The following ASCC3 variants were observed in gnomAD, a reference collection of about 807,000 sequenced individuals.
ASCC3 encodes activating signal cointegrator 1 complex subunit 3, also known as ASC-1 complex subunit P200.
Under a neutral mutation model 256.3 loss-of-function variants are expected in ASCC3, and 158 were observed. The ratio of observed to expected loss-of-function variants is 0.62; its 90% CI spans 0.54 to 0.70. ASCC3 has a LOEUF of 0.70. ASCC3 is among the 30% of genes least tolerant of loss of function. The pLI, the probability that ASCC3 is intolerant of heterozygous loss-of-function variation, is 0.00. For synonymous variants in ASCC3, 948 were observed against 883.4 expected, an observed-to-expected ratio of 1.07 and a Z score of -1.30; for missense variants, 2,259 against 2,626.0, an observed-to-expected ratio of 0.86 and a Z score of 3.05.
At chr6:100,555,646 T>C (rs1165765711) in intron 36 of ASCC3, among the ~76,000 whole-genome samples, 2 of 152,190 alleles carry the variant, frequency 1.3e-5, no homozygotes, top group East Asian at 1.9e-4. Context: ...TTGATGAAAC[T>C]TGAAAAAATT....
intron 4 of ASCC3, among the ~76,000 whole-genome samples, chr6:100,833,119 A>G (rs1180785620): frequency 6.6e-6 from 1 of 152,194 alleles, no homozygotes; most frequent in African/African-American, 2.4e-5. Flanking sequence ...ATTTTATTCA[A>G]TGCTAAAAAA....
chr6:100,560,136 G>T (rs1171776972), intron 36 of ASCC3, among the ~76,000 whole-genome samples: 2 of 152,128 alleles, frequency 1.3e-5, no homozygotes, highest in African/African-American at 4.8e-5. Context: ...CTAACTTAGT[G>T]TCTGTTTAGG....
chr6:100,611,377 C>G (rs240112), intron 30 of ASCC3, among the ~76,000 whole-genome samples: 1 of 151,772 alleles, frequency 6.6e-6, no homozygotes, highest in African/African-American at 2.4e-5. Context: ...ATTTGAAAAT[C>G]TAATTTTTTG....
At chr6:100,701,479 G>A (rs1778350301) in intron 13 of ASCC3, among the ~76,000 whole-genome samples, 1 of 152,128 alleles carries the variant, frequency 6.6e-6, no homozygotes, top group Admixed American at 6.5e-5. Flanking sequence ...TCTTCCTTGT[G>A]TAAATTGCCC....
chr6:100,826,992 T>C (rs1008454891), intron 4 of ASCC3, among the ~76,000 whole-genome samples: 10 of 152,220 alleles, frequency 6.6e-5, no homozygotes, highest in African/African-American at 2.4e-4. Context: ...TCAACAGCCA[T>C]ATGTGGCTAC....
At chr6:100,780,733 T>C (rs145745843) in intron 8 of ASCC3, among the ~76,000 whole-genome samples, 76 of 152,372 alleles carry the variant, frequency 5.0e-4, no homozygotes, top group African/African-American at 1.7e-3. Flanking sequence ...AGTAACCATT[T>C]GTTGAATGTG....
At chr6:100,624,300 C>T (rs957247543) in intron 30 of ASCC3, among the ~76,000 whole-genome samples, 1 of 150,230 alleles carries the variant, frequency 6.7e-6, no homozygotes, top group Non-Finnish European at 1.5e-5. Context: ...CACAAATCTA[C>T]AAAATAAATG....
chr6:100,878,442 GGCTTTTCCTT>G (rs1769096575), intron 1 of ASCC3, among the ~76,000 whole-genome samples: 1 of 152,022 alleles, frequency 6.6e-6, no homozygotes, highest in South Asian at 2.1e-4. Flanking sequence ...GGGTAAGGAA[GGCTTTTCCTT>G]TAAATGTCCT....
At chr6:100,706,194 G>A (rs1582730437) in intron 13 of ASCC3, among the ~76,000 whole-genome samples, 1 of 7,314 alleles carries the variant, frequency 1.4e-4, no homozygotes, top group Non-Finnish European at 5.4e-3. Flanking sequence ...TTTAGATAAC[G>A]TGAAAAACTG....
chr6:100,608,088 ATCTATATACACATATATAT>A (rs1773019672), intron 30 of ASCC3, among the ~76,000 whole-genome samples: 1 of 100,422 alleles, frequency 1.0e-5, no homozygotes, highest in African/African-American at 4.2e-5. Flanking sequence ...ATGTATATAT[ATCTATATACACATATATAT>A]GTATATATAT....
At chr6:100,738,672 T>A (rs1780293108) in intron 10 of ASCC3, among the ~76,000 whole-genome samples, 1 of 152,218 alleles carries the variant, frequency 6.6e-6, no homozygotes, top group South Asian at 2.1e-4. Context: ...TTTGTTCTTT[T>A]TGCTTTGGAC....
intron 8 of ASCC3, among the ~76,000 whole-genome samples, chr6:100,780,539 G>A (rs191081599): frequency 4.6e-5 from 7 of 152,248 alleles, no homozygotes; most frequent in Non-Finnish European, 8.8e-5. Flanking sequence ...AGGAGTTTGA[G>A]GCTGCAGTGA....
chr6:100,732,582 A>G (rs1779952450), intron 10 of ASCC3, among the ~76,000 whole-genome samples: 1 of 152,252 alleles, frequency 6.6e-6, no homozygotes, highest in African/African-American at 2.4e-5. Context: ...AAACTTAACC[A>G]CAATTTATGT....
chr6:100,808,792 T>G (rs923590675), intron 4 of ASCC3, among the ~76,000 whole-genome samples: 2 of 151,770 alleles, frequency 1.3e-5, no homozygotes, highest in Non-Finnish European at 2.9e-5. Context: ...CATCATAGAG[T>G]GTAATTACAC....
chr6:100,582,782 A>G (rs1172766592), intron 36 of ASCC3, among the ~76,000 whole-genome samples: 1 of 152,128 alleles, frequency 6.6e-6, no homozygotes, highest in Non-Finnish European at 1.5e-5. Flanking sequence ...ATTTATTGAG[A>G]GTTTTTAGCA....
chr6:100,810,040 C>T (rs1323725907), intron 4 of ASCC3, among the ~76,000 whole-genome samples: 3 of 152,100 alleles, frequency 2.0e-5, no homozygotes, highest in Non-Finnish European at 4.4e-5. Flanking sequence ...TATCCTGATC[C>T]TTACAAGATA....
chr6:100,516,231 A>G lies in ASCC3; in HGVS notation c.6024T>C (p.His2008=), dbSNP rs369040191. 4 of 1,613,686 alleles carry G rather than the reference A, an allele frequency of 2.5e-6. 1 individual carries two copies. The South Asian group carries it at 3.3e-5, about 13-fold the overall frequency. ...ELIHACGGKD[H]VFSSMVESEL... Reference sequence around the variant, plus strand: ...CACTTTCTACCATGGAGCTAAATACATGGTCTTTCCCTCCACAGGCATGGA... The same window carrying G: ...CACTTTCTACCATGGAGCTAAATACGTGGTCTTTCCCTCCACAGGCATGGA... The change falls in exon 39 of 42, where the codon CAT becomes CAC. Residue 2008 remains histidine, a synonymous_variant. Transcript: ENST00000369162.
At chr6:100,514,645 A>G (rs1336813701) in intron 39 of ASCC3, among the ~76,000 whole-genome samples, 3 of 151,916 alleles carry the variant, frequency 2.0e-5, no homozygotes, top group African/African-American at 7.2e-5. Flanking sequence ...TAAAACATGA[A>G]CTATTTTTAA....
At chr6:100,629,567 A>C (rs954263789) in intron 26 of ASCC3, among the ~76,000 whole-genome samples, 1 of 152,154 alleles carries the variant, frequency 6.6e-6, no homozygotes, top group African/African-American at 2.4e-5. Flanking sequence ...TACTTTATGG[A>C]GACAAAAAAA....
Sources: allele counts gnomAD v4.1 joint callset (sites outside exome capture counted in the v4.1 genomes callset), GRCh38; gene constraint gnomAD v4.1.1; transcripts MANE v1.5; gene names NCBI Gene and HGNC (gene_info 2026-07-23, HGNC 2026-07-21).